HOMER1: variants seen among roughly 807,000 people sequenced by gnomAD.
The protein encoded by HOMER1 is homer protein homolog 1.
In HOMER1, 3 loss-of-function variants were observed where a neutral mutation model predicts 48.9. That is an observed-to-expected ratio of 0.06 (90% confidence interval 0.03 to 0.16). The LOEUF is 0.16. HOMER1 is among the 10% of genes least tolerant of loss of function. HOMER1 has a pLI of 1.00. For missense variants in HOMER1, 247 were observed against 411.4 expected (o/e 0.60, Z 3.46); for synonymous variants, 134 against 146.4 (o/e 0.92, Z 0.61).
At chr5:79,510,398 C>CTAG (rs762972555) in intron 1 of HOMER1, 79 of 605,982 alleles carry the variant, frequency 1.3e-4, no homozygotes, top group Non-Finnish European at 2.0e-4. Flanking sequence ...TCTTCAGATT[C>CTAG]TAGGCGCTTC....
intron 1 of HOMER1, among the ~76,000 whole-genome samples, chr5:79,465,795 G>A (rs1357374150): frequency 2.6e-5 from 4 of 151,648 alleles, no homozygotes; most frequent in Admixed American, 6.6e-5. Context: ...GGGTTTCACC[G>A]TGTTAGCCAG....
chr5:79,479,375 C>A (rs1354669060), intron 1 of HOMER1, among the ~76,000 whole-genome samples: 1 of 152,070 alleles, frequency 6.6e-6, no homozygotes, highest in Non-Finnish European at 1.5e-5. Flanking sequence ...GGGGGATTAC[C>A]CTGGATTAGC....
intron 8 of HOMER1, among the ~76,000 whole-genome samples, chr5:79,385,398 C>G (rs1490294922): frequency 6.6e-6 from 1 of 151,970 alleles, no homozygotes; most frequent in African/African-American, 2.4e-5. Flanking sequence ...GCAAACAACT[C>G]AACAAAAAAC....
At chr5:79,421,317 T>C (rs1030395762) in intron 5 of HOMER1, among the ~76,000 whole-genome samples, 1 of 152,232 alleles carries the variant, frequency 6.6e-6, no homozygotes, top group African/African-American at 2.4e-5. Context: ...TCCAAATGTT[T>C]AGTTATGTTA....
At chr5:79,408,124 T>C (rs1840804) in intron 5 of HOMER1, among the ~76,000 whole-genome samples, 61,043 of 151,860 alleles carry the variant, frequency 0.4, 13,206 homozygotes, top group East Asian at 0.54. Context: ...ACCCTACATA[T>C]AGGGTTCACT....
At chr5:79,411,331 A>G (rs995643984) in intron 5 of HOMER1, among the ~76,000 whole-genome samples, 6 of 152,070 alleles carry the variant, frequency 3.9e-5, no homozygotes, top group African/African-American at 1.4e-4. Flanking sequence ...CCAAAAATAG[A>G]AAAATTAGCC....
chr5:79,427,617 C>T (rs939611498), intron 5 of HOMER1, among the ~76,000 whole-genome samples: 4 of 151,558 alleles, frequency 2.6e-5, no homozygotes, highest in Non-Finnish European at 5.9e-5. Flanking sequence ...TTACAACCTT[C>T]CTTCCTTCCT....
At chr5:79,495,700 A>G (rs1752401079) in intron 1 of HOMER1, among the ~76,000 whole-genome samples, 1 of 152,168 alleles carries the variant, frequency 6.6e-6, no homozygotes, top group African/African-American at 2.4e-5. Flanking sequence ...TGGGTTGATG[A>G]TCAATTTTAA....
intron 1 of HOMER1, 145 bp from the exon 2 acceptor site, chr5:79,457,163 T>G (rs1475457347): frequency 1.4e-6 from 1 of 721,978 alleles, no homozygotes; most frequent in Non-Finnish European, 2.3e-6. Context: ...AATTTGCATA[T>G]TCTAAGTATT....
chr5:79,376,226 T>C (rs1244815988), intron 8 of HOMER1, 29 bp from the exon 9 acceptor site: 1 of 1,521,030 alleles, frequency 6.6e-7, no homozygotes, highest in Admixed American at 1.8e-5. Flanking sequence ...AACATGTATA[T>C]ATGTCAATTC....
At chr5:79,480,378 G>A in intron 1 of HOMER1, among the ~76,000 whole-genome samples, 1 of 152,168 alleles carries the variant, frequency 6.6e-6, no homozygotes, top group East Asian at 1.9e-4. Context: ...ACTTGTTGGA[G>A]GAGGGGGCAG....
At chr5:79,463,909 A>T (rs571312610) in intron 1 of HOMER1, among the ~76,000 whole-genome samples, 340 of 152,342 alleles carry the variant, frequency 2.2e-3, no homozygotes, top group African/African-American at 7.9e-3. Context: ...CAAAGCTTTC[A>T]ATTAAAAAAA....
In HOMER1 at chr5:79,500,663, G is replaced by A. The variant is rs183786186; in HGVS notation, c.5+12107C>T. ...TTTTTTTCTGAGACAGAGTTTCTCT[G>A]TCACCCAGGCTGGAGTGTAATGGTA... On this transcript the variant is annotated intron_variant, in intron 1 of 8. Coordinates refer to ENST00000334082, the MANE Select transcript of HOMER1 (RefSeq NM_004272.5). Among the ~76,000 whole-genome samples, 389 of 150,692 alleles carry A rather than the reference G, an allele frequency of 2.6e-3. 2 individuals are homozygous for A. The highest frequency in any genetic ancestry group is 4.1e-3 in the Non-Finnish European group (281 of 67,754).
intron 8 of HOMER1, among the ~76,000 whole-genome samples, chr5:79,391,588 T>C (rs1043539282): frequency 6.6e-6 from 1 of 151,304 alleles, no homozygotes; most frequent in Non-Finnish European, 1.5e-5. Context: ...GCTAAAAAAA[T>C]GCAAAAAATT....
chr5:79,429,927 G>T (rs1750372958), intron 5 of HOMER1, among the ~76,000 whole-genome samples: 3 of 151,976 alleles, frequency 2.0e-5, no homozygotes, highest in Admixed American at 1.3e-4. Context: ...GGAGGCTGAG[G>T]CAGGGGAATG....
intron 5 of HOMER1, among the ~76,000 whole-genome samples, chr5:79,414,567 G>A (rs934987964): frequency 1.3e-5 from 2 of 150,694 alleles, no homozygotes; most frequent in African/African-American, 4.9e-5. Flanking sequence ...TTTGTAGCGA[G>A]GGGGTCTTGT....
chr5:79,406,269 C>A (rs1055169533), intron 5 of HOMER1, among the ~76,000 whole-genome samples: 2 of 152,128 alleles, frequency 1.3e-5, no homozygotes, highest in Non-Finnish European at 2.9e-5. Context: ...GTTTAAGATA[C>A]AACTCTGGTA....
In HOMER1 at chr5:79,433,886, T is replaced by G. The variant is rs181822878; in HGVS notation, c.527+5124A>C. On this transcript the variant is annotated intron_variant, in intron 5 of 8. Transcript: ENST00000334082. ...CTAATATGCTAGAAAATAATATTTC[T>G]GCATACATCCTTTAATGATTATCTG... Among the ~76,000 whole-genome samples the G allele has an allele frequency of 1.1e-4, 17 of 152,294 alleles. No homozygotes were observed. The East Asian group carries it at 2.7e-3, about 24-fold the overall frequency.
chr5:79,381,206 A>G (rs1398283915), intron 8 of HOMER1, among the ~76,000 whole-genome samples: 2 of 151,914 alleles, frequency 1.3e-5, no homozygotes, highest in Admixed American at 1.3e-4. Flanking sequence ...CACGAACTGC[A>G]CCCTAAGCCA....
Sources: allele counts gnomAD v4.1 joint callset (sites outside exome capture counted in the v4.1 genomes callset), GRCh38; gene constraint gnomAD v4.1.1; transcripts MANE v1.5; gene names NCBI Gene and HGNC (gene_info 2026-07-23, HGNC 2026-07-21).